The following GTF2A1 variants were observed in gnomAD, a reference collection of about 807,000 sequenced individuals.
GTF2A1 encodes the protein transcription initiation factor IIA subunit 1.
A neutral mutation model predicts 54.1 loss-of-function variants in GTF2A1; 12 were observed. That is an observed-to-expected ratio of 0.22 (90% CI 0.14 to 0.36). GTF2A1 has a LOEUF of 0.36. Among genes scored for constraint, GTF2A1 ranks in the 10% least tolerant of loss-of-function variants. The pLI, the probability that GTF2A1 is intolerant of heterozygous loss-of-function variation, is 1.00. For synonymous variants in GTF2A1, 145 were observed against 152.0 expected, an observed-to-expected ratio of 0.95 and a Z score of 0.34; for missense variants, 335 against 442.2, an observed-to-expected ratio of 0.76 and a Z score of 2.17.
chr14:81,196,127 T>C lies in GTF2A1; in HGVS notation c.593A>G (p.Gln198Arg). 1 of 1,613,764 alleles carries C rather than the reference T, an allele frequency of 6.2e-7. No individual in the cohort carries two copies. Among genetic ancestry groups the C allele is most frequent in the Non-Finnish European group, 8.5e-7 (1 of 1,179,674 alleles). The change falls in exon 6 of 9, where the codon CAA becomes CGA. Residue 198 changes from glutamine (Q) to arginine (R), a missense_variant. Gln to Arg is a conservative substitution (Grantham distance 43, BLOSUM62 1). This residue lies in a region of GTF2A1 where 306 missense variants were observed against 360.4 expected (regional missense o/e 0.85). Coordinates refer to ENST00000553612, the MANE Select transcript of GTF2A1 (RefSeq NM_015859.4). ...TTTTACCTGCTGTATAACAGGAGCT[T>C]GTACTCCACCAGGCTGCATTTGTGG... The part of the protein sequence containing the change: ...VIPQMQPGGV[Q>R]APVIQQVLAP...
chr14:81,186,482 G>A (rs1431245239), intron 7 of GTF2A1, among the ~76,000 whole-genome samples: 1 of 152,016 alleles, frequency 6.6e-6, no homozygotes, highest in African/African-American at 2.4e-5. Context: ...CAGAAAGTAG[G>A]AAATCTCAGC....
upstream of GTF2A1, chr14:81,221,288 G>C (rs969144868): frequency 6.6e-6 from 1 of 152,298 alleles, no homozygotes; most frequent in African/African-American, 2.4e-5. Flanking sequence ...AGGTGGGACC[G>C]CCTCCTGTCG....
At chr14:81,218,424 T>C (rs559038882) in intron 1 of GTF2A1, among the ~76,000 whole-genome samples, 13 of 152,358 alleles carry the variant, frequency 8.5e-5, no homozygotes, top group African/African-American at 2.6e-4. Context: ...ACAAAATATA[T>C]GCCTAACGAG....
At position 81,177,767 on chromosome 14, in the gene GTF2A1, G is replaced by A. The variant is rs935485154; in HGVS notation, c.*2456C>T. On this transcript the variant is annotated 3_prime_UTR_variant, in exon 9 of 9. Transcript: ENST00000553612. ...TGATTTGTTAAATACAATGTTAAAA[G>A]CATGATTAAGAATTCAAGTACAATA... is the stretch of plus-strand genomic sequence containing the variant. 6.6e-6 allele frequency: 1 copy of A among 152,082 alleles called. No homozygotes were observed. The highest frequency in any genetic ancestry group is 1.5e-5 in the Non-Finnish European group (1 of 67,960). 9.4% of individuals were successfully genotyped at this position (152,082 alleles called of 1,614,324 possible).
intron 3 of GTF2A1, chr14:81,202,824 A>G (rs142837211): frequency 2.0e-6 from 1 of 508,150 alleles, no homozygotes; most frequent in African/African-American, 1.9e-5. Flanking sequence ...CAACAGGAAG[A>G]ACAGTCATCA....
chr14:81,220,100 C>G (rs965200318), intron 1 of GTF2A1, among the ~76,000 whole-genome samples: 7 of 151,708 alleles, frequency 4.6e-5, no homozygotes, highest in Non-Finnish European at 1.0e-4. Context: ...TGTAGCCACT[C>G]GGGGAGCCCT....
chr14:81,188,299 C>T (rs1029860309), intron 7 of GTF2A1, among the ~76,000 whole-genome samples: 12 of 152,040 alleles, frequency 7.9e-5, no homozygotes, highest in African/African-American at 2.7e-4. Context: ...AAGATCACTC[C>T]AGCCCGGGAG....
intron 7 of GTF2A1, among the ~76,000 whole-genome samples, chr14:81,188,629 T>C (rs891392928): frequency 1.2e-4 from 18 of 151,612 alleles, no homozygotes; most frequent in Middle Eastern, 6.8e-3. Flanking sequence ...TACAAAAAAT[T>C]AGCCGGGCAT....
Position 81,206,715 on chromosome 14 carries a change from C to A in GTF2A1, c.133-2611G>T, listed in dbSNP as rs553822757. Among the ~76,000 whole-genome samples the A allele has an allele frequency of 4.6e-5, 7 of 152,290 alleles. 1 individual carries two copies. Among genetic ancestry groups the A allele is most frequent in the African/African-American group, 1.7e-4 (7 of 41,558 alleles). ...CCGATGTTTTTCAAACTGAGGACTG[C>A]AACCCACTAGTGATTCATAGTCAAT... On this transcript the variant is annotated intron_variant, in intron 2 of 8. Transcript: ENST00000553612.
intron 2 of GTF2A1, chr14:81,204,417 T>C: frequency 2.5e-6 from 1 of 405,316 alleles, no homozygotes; most frequent in South Asian, 2.2e-5. Flanking sequence ...GCAACTTCTT[T>C]AGTAATCAAA....
rs374094911 is a variant in GTF2A1 at position 81,192,617 on chromosome 14, T to C, written c.835A>G (p.Thr279Ala). Reference protein sequence around the residue: ...LVLQVDGTGDTSSEEDEDEEE... With the variant: ...LVLQVDGTGDASSEEDEDEEE... Reference sequence around the variant, plus strand: ...TCATCTTCATCTTCTTCAGATGATGTATCCCCAGTTCCATCAACTTGTAAG... The same window carrying C: ...TCATCTTCATCTTCTTCAGATGATGCATCCCCAGTTCCATCAACTTGTAAG... The change falls in exon 7 of 9, where the codon ACA becomes GCA. Residue 279 changes from threonine to alanine, a missense_variant. By Grantham distance (58) the Thr-to-Ala change is moderately conservative. Transcript: ENST00000553612. 6.2e-7 allele frequency: 1 copy of C among 1,606,552 alleles called. No homozygotes were observed. The highest frequency in any genetic ancestry group is 1.3e-5 in the African/African-American group (1 of 74,926).
At chr14:81,209,906 T>A in intron 2 of GTF2A1, 2 of 1,278,750 alleles carry the variant, frequency 1.6e-6, no homozygotes, top group South Asian at 2.5e-5. Context: ...AGTATGAACA[T>A]CTTCTGGGCA....
intron 2 of GTF2A1, among the ~76,000 whole-genome samples, chr14:81,215,613 A>C (rs1473944224): frequency 2.0e-5 from 3 of 152,252 alleles, no homozygotes; most frequent in Non-Finnish European, 4.4e-5. Flanking sequence ...TCTCAATGTA[A>C]AATATATTCA....
At chr14:81,197,993 A>G (rs1272597420) in intron 4 of GTF2A1, among the ~76,000 whole-genome samples, 4 of 152,214 alleles carry the variant, frequency 2.6e-5, no homozygotes, top group East Asian at 3.8e-4. Flanking sequence ...AAATCAACAG[A>G]TATCTATAAA....
intron 4 of GTF2A1, among the ~76,000 whole-genome samples, chr14:81,199,747 CAGTA>C (rs141516355): frequency 0.02 from 3,073 of 152,180 alleles, 97 homozygotes; most frequent in African/African-American, 0.07. Context: ...GAGACTTAAC[CAGTA>C]AGTAAGAGAT....
intron 7 of GTF2A1, among the ~76,000 whole-genome samples, chr14:81,192,134 C>A (rs1256028236): frequency 2.0e-5 from 3 of 152,078 alleles, no homozygotes; most frequent in Non-Finnish European, 4.4e-5. Flanking sequence ...GCTCTCTCCC[C>A]AAATGTTGCC....
intron 4 of GTF2A1, among the ~76,000 whole-genome samples, chr14:81,199,723 T>C (rs912298723): frequency 1.3e-5 from 2 of 152,146 alleles, no homozygotes; most frequent in African/African-American, 2.4e-5. Flanking sequence ...ATACATATGC[T>C]CTTTAGAATA....
At position 81,179,719 on chromosome 14, in the gene GTF2A1, G is replaced by T. The variant is rs1052372823; in HGVS notation, c.*504C>A. On this transcript the variant is annotated 3_prime_UTR_variant, in exon 9 of 9. Coordinates refer to ENST00000553612, the MANE Select transcript of GTF2A1 (RefSeq NM_015859.4). ...AGTAAAAATATTTAAGACCTATTAT[G>T]AGAGTTTTAAATTGTTTTCTTATAC... 2 of 152,170 alleles carry T rather than the reference G, an allele frequency of 1.3e-5. No individual in the cohort carries two copies. The highest frequency in any genetic ancestry group is 4.8e-5 in the African/African-American group (2 of 41,432). The allele number at this position is 152,170 out of a possible 1,614,324, so 9.4% of individuals were successfully genotyped here. A position where few individuals can be genotyped will look rare whatever the true frequency, so the allele number is the denominator to read the frequency against.
Position 81,203,996 on chromosome 14 carries a change from G to A in GTF2A1, c.241C>T (p.His81Tyr). The A allele has an allele frequency of 1.2e-6, 2 of 1,610,428 alleles. No homozygotes were observed. Among genetic ancestry groups the A allele is most frequent in the South Asian group, 2.2e-5 (2 of 90,998 alleles). The change falls in exon 3 of 9, where the codon CAT (histidine) becomes TAT (tyrosine). Residue 81 changes from histidine (H) to tyrosine (Y), a missense_variant. By Grantham distance (83) the His-to-Tyr change is moderately conservative (BLOSUM62 2). Around this residue, in one of 2 missense-constraint regions of GTF2A1, gnomAD observed 306 missense variants for 360.4 expected, o/e 0.85. Coordinates refer to ENST00000553612, the MANE Select transcript of GTF2A1 (RefSeq NM_015859.4). Reference sequence around the variant, plus strand: ...TGCTGATGATGGTGATGGTGGTGATGCTGCTGCTGCTGGGGTTGATGCTGC... The same window carrying A: ...TGCTGATGATGGTGATGGTGGTGATACTGCTGCTGCTGGGGTTGATGCTGC... ...QQQHQPQQQQ[H>Y]HHHHHHQQAQ...
Sources: gnomAD v4.1 joint callset for allele counts (sites outside exome capture counted in the v4.1 genomes callset) on GRCh38, gnomAD v4.1.1 for gene constraint, gnomAD v4.1.1 regional missense constraint, MANE v1.5 for transcripts, NCBI Gene and HGNC (gene_info 2026-07-23, HGNC 2026-07-21) for gene names.